The following SUOX variants were observed in gnomAD, a reference collection of about 807,000 sequenced individuals.
SUOX encodes sulfite oxidase.
A neutral mutation model predicts 41.9 loss-of-function variants in SUOX; 39 were observed. That is an observed-to-expected ratio of 0.93 (90% CI 0.72 to 1.21). The LOEUF (loss-of-function observed/expected upper bound fraction) is 1.21, where lower values mean the gene tolerates loss of function less well. Ranked by LOEUF, SUOX falls within the 50% of genes most tolerant of loss-of-function variation. The pLI is 0.00. For missense variants in SUOX, 633 were observed against 689.5 expected (o/e 0.92, Z 0.92); for synonymous variants, 220 against 268.4 (o/e 0.82, Z 1.76).
chr12:56,004,734 G>A lies in SUOX; in HGVS notation c.1345G>A (p.Ala449Thr). 6.2e-7 allele frequency: 1 copy of A among 1,614,180 alleles called. No individual in the cohort carries two copies. The highest frequency in any genetic ancestry group is 1.3e-5 in the African/African-American group (1 of 75,042). ...ESGEVTIKGY[A>T]WSGGGRAVIR... is the part of the protein sequence containing the mutation. Reference sequence around the variant, plus strand: ...AGGGGAGGTGACCATCAAGGGCTATGCATGGAGTGGTGGTGGCAGGGCTGT... The same window carrying A: ...AGGGGAGGTGACCATCAAGGGCTATACATGGAGTGGTGGTGGCAGGGCTGT... Residue 449 changes from alanine to threonine, a missense_variant, in exon 5 of 5, where the codon GCA (alanine) becomes ACA (threonine). Physicochemically the swap from Ala to Thr is moderately conservative, Grantham distance 58. Coordinates refer to ENST00000266971, the MANE Select transcript of SUOX (RefSeq NM_001032386.2). The surrounding 1 kb of genome is among the most constrained non-coding windows in gnomAD (Gnocchi z 4.5).
At chr12:56,002,766 G>A in intron 4 of SUOX, 46 bp downstream of exon 4, 1 of 1,610,550 alleles carries the variant, frequency 6.2e-7, no homozygotes, top group Non-Finnish European at 8.5e-7. Flanking sequence ...TGGGTGCAGT[G>A]GCTCACGCCT....
chr12:55,997,954 C>G (rs544960311), intron 2 of SUOX, among the ~76,000 whole-genome samples: 4 of 152,214 alleles, frequency 2.6e-5, no homozygotes, highest in South Asian at 4.1e-4. Context: ...GGGCAGAGAG[C>G]AGAAAAATTA....
intron 2 of SUOX, among the ~76,000 whole-genome samples, chr12:55,998,283 CT>C (rs763646033): frequency 2.6e-5 from 4 of 151,516 alleles, no homozygotes; most frequent in Admixed American, 2.0e-4. Flanking sequence ...TGGCTCATGC[CT>C]GTAATAATCC....
At chr12:56,003,115 G>A (rs1890594315) in intron 4 of SUOX, 1 of 294,470 alleles carries the variant, frequency 3.4e-6, no homozygotes, top group African/African-American at 2.2e-5. Flanking sequence ...CCATGTTCTT[G>A]TAGTTACCAC....
At chr12:56,003,209 G>A (rs143623632) in intron 4 of SUOX, among the ~76,000 whole-genome samples, 4 of 151,862 alleles carry the variant, frequency 2.6e-5, no homozygotes, top group Non-Finnish European at 5.9e-5. Context: ...GGCCAACACC[G>A]TGGGTTGGGT....
In SUOX at chr12:56,004,966, G is replaced by A; in HGVS notation, c.1577G>A (p.Trp526Ter). Residue 526 changes from tryptophan to a stop codon, truncating the protein, a stop_gained, in exon 5 of 5, where the codon TGG (tryptophan) becomes TAG (stop). Transcript: ENST00000266971. LOFTEE classifies it high-confidence loss of function. The surrounding 1 kb of genome is among the most constrained non-coding windows in gnomAD (Gnocchi z 4.5). ...NVQPDTVAPI[W>*]NLRGVLSNAW... The stretch of plus-strand genomic sequence containing the variant: ...CAGCCAGACACCGTGGCCCCAATCT[G>A]GAACCTGCGAGGTGTTCTCAGCAAT... 1.2e-6 allele frequency: 2 copies of A among 1,614,148 alleles called. No individual in the cohort carries two copies. Among genetic ancestry groups the A allele is most frequent in the East Asian group, 4.5e-5 (2 of 44,886 alleles).
rs1425140545 is a variant in SUOX, at chr12:56,002,584, C to T, written c.92C>T (p.Ser31Phe). 1 of 1,614,056 alleles carries T rather than the reference C, an allele frequency of 6.2e-7. No individual in the cohort carries two copies. The highest frequency in any genetic ancestry group is 8.5e-7 in the Non-Finnish European group (1 of 1,180,044). ...IPSRICIQAC[S>F]TNDSFQPQRP... Reference sequence around the variant, plus strand: ...TCAAGGATCTGCATTCAGGCCTGCTCCACAAATGATTCATTTCAGCCCCAG... The same window carrying T: ...TCAAGGATCTGCATTCAGGCCTGCTTCACAAATGATTCATTTCAGCCCCAG... Residue 31 changes from serine (S) to phenylalanine (F), a missense_variant, in exon 4 of 5, where the codon TCC becomes TTC. Coordinates refer to ENST00000266971, the MANE Select transcript of SUOX (RefSeq NM_001032386.2).
chr12:56,002,345 C>A, intron 3 of SUOX, 74 bp downstream of exon 3: 1 of 1,558,258 alleles, frequency 6.4e-7, no homozygotes, highest in Non-Finnish European at 8.8e-7. Flanking sequence ...AATGTCATAC[C>A]TTGCAAATAA....
chr12:56,000,515 T>TCCCTC (rs1890477467), intron 2 of SUOX, among the ~76,000 whole-genome samples: 1 of 152,124 alleles, frequency 6.6e-6, no homozygotes, highest in South Asian at 2.1e-4. Context: ...CGGTTCCCGC[T>TCCCTC]CGCACCTCTC....
Position 56,003,949 on chromosome 12 carries a change from A to C in SUOX, c.560A>C (p.Lys187Thr), listed in dbSNP as rs571077447. ...ADDPVRHPAL[K>T]VNSQRPFNAE... is the part of the protein sequence containing the mutation. ...GATCCTGTACGTCACCCAGCCCTGA[A>C]GGTCAACAGCCAGCGGCCCTTTAAT... is the stretch of plus-strand genomic sequence containing the variant. The change falls in exon 5 of 5, where the codon AAG becomes ACG. Residue 187 changes from lysine to threonine, a missense_variant. Coordinates refer to ENST00000266971, the MANE Select transcript of SUOX (RefSeq NM_001032386.2). The C allele has an allele frequency of 1.2e-6, 2 of 1,614,146 alleles. No individual in the cohort carries two copies. The highest frequency in any genetic ancestry group is 2.2e-5 in the South Asian group (2 of 91,084).
chr12:56,004,704 G>A lies in SUOX; in HGVS notation c.1315G>A (p.Glu439Lys), dbSNP rs2136513057. ...AGAGCCCCGGGATGGAGAGACTGTA[G>A]AATCAGGGGAGGTGACCATCAAGGG... Reference protein sequence around the residue: ...ITEPRDGETVESGEVTIKGYA... With the variant: ...ITEPRDGETVKSGEVTIKGYA... Residue 439 changes from glutamate to lysine, a missense_variant, in exon 5 of 5, where the codon GAA becomes AAA. Coordinates refer to ENST00000266971, the MANE Select transcript of SUOX (RefSeq NM_001032386.2). The surrounding 1 kb of genome is among the most constrained non-coding windows in gnomAD (Gnocchi z 4.5). The A allele has an allele frequency of 2.5e-6, 4 of 1,614,144 alleles. No individual in the cohort carries two copies. The Middle Eastern group carries it at 4.9e-4, about 200-fold the overall frequency.
chr12:56,002,006 T>A, intron 2 of SUOX: 1 of 1,441,140 alleles, frequency 6.9e-7, no homozygotes, highest in Non-Finnish European at 9.1e-7. Context: ...CCGCATTACC[T>A]GCCATCCTGT....
At chr12:56,000,442 G>T (rs1456106541) in intron 2 of SUOX, among the ~76,000 whole-genome samples, 2 of 152,322 alleles carry the variant, frequency 1.3e-5, no homozygotes, top group African/African-American at 4.8e-5. Context: ...CTCCGTGTGC[G>T]GGGCCTGCCA....
rs767289380 is a variant in SUOX at position 56,003,603 on chromosome 12, C to T, written c.229-15C>T. On this transcript the variant is annotated splice_polypyrimidine_tract_variant and intron_variant, in intron 4 of 4. Transcript: ENST00000266971. Reference sequence around the variant, plus strand: ...TAGTCTCTTCCCTTTTATCTTACTCCTTCCCTGCCAATAGGCTGCTCAGGA... The same window carrying T: ...TAGTCTCTTCCCTTTTATCTTACTCTTTCCCTGCCAATAGGCTGCTCAGGA... 23 of 1,612,606 alleles carry T rather than the reference C, an allele frequency of 1.4e-5. No individual in the cohort carries two copies. The highest frequency in any genetic ancestry group is 5.3e-5 in the African/African-American group (4 of 74,914).
chr12:56,001,115 TCTC>T (rs1404119694), intron 2 of SUOX, among the ~76,000 whole-genome samples: 1 of 113,630 alleles, frequency 8.8e-6, no homozygotes, highest in African/African-American at 3.1e-5. Flanking sequence ...GTTGTTAATC[TCTC>T]TTTTTTTTTT....
Position 56,004,529 on chromosome 12 carries a change from G to T in SUOX, c.1140G>T (p.Trp380Cys). 1 of 1,614,144 alleles carries T rather than the reference G, an allele frequency of 6.2e-7. No homozygotes were observed. The highest frequency in any genetic ancestry group is 8.5e-7 in the Non-Finnish European group (1 of 1,180,042). ...TGGTGGGTGCCCGCCATGTCAAATG[G>T]CTGGGCAGAGTGAGTGTGCAGCCAG... ...PGVVGARHVK[W>C]LGRVSVQPEE... Residue 380 changes from tryptophan to cysteine, a missense_variant, in exon 5 of 5, where the codon TGG becomes TGT. By Grantham distance (215) the Trp-to-Cys change is radical. Transcript: ENST00000266971. This position sits in a 1 kb window ranked among gnomAD's most constrained non-coding sequence, Gnocchi z 4.5.
In SUOX at chr12:56,003,895, C is replaced by T. The variant is rs1592829293; in HGVS notation, c.506C>T (p.Thr169Ile). ...ELNPEDKVAP[T>I]VETSDPYADD... ...AATCCTGAAGACAAGGTAGCCCCCA[C>T]CGTGGAGACCTCTGACCCTTATGCT... The change falls in exon 5 of 5, where the codon ACC becomes ATC. Residue 169 changes from threonine (T) to isoleucine (I), a missense_variant. Physicochemically the swap from Thr to Ile is moderately conservative, Grantham distance 89 (BLOSUM62 -1). Coordinates refer to ENST00000266971, the MANE Select transcript of SUOX (RefSeq NM_001032386.2). The T allele has an allele frequency of 6.2e-7, 1 of 1,614,016 alleles. No homozygotes were observed. The highest frequency in any genetic ancestry group is 1.3e-5 in the African/African-American group (1 of 74,908).
rs2136511536 is a variant in SUOX, at chr12:56,003,885, G to A, written c.496G>A (p.Val166Ile). ...KIGELNPEDK[V>I]APTVETSDPY... The stretch of plus-strand genomic sequence containing the variant: ...TGGGGAGCTGAATCCTGAAGACAAG[G>A]TAGCCCCCACCGTGGAGACCTCTGA... Residue 166 changes from valine (V) to isoleucine (I), a missense_variant, in exon 5 of 5, where the codon GTA becomes ATA. Transcript: ENST00000266971. 6.2e-7 allele frequency: 1 copy of A among 1,614,050 alleles called. No individual in the cohort carries two copies. Among genetic ancestry groups the A allele is most frequent in the Non-Finnish European group, 8.5e-7 (1 of 1,179,998 alleles).
chr12:56,005,070 C>T lies in SUOX; in HGVS notation c.*43C>T. 2 of 1,594,522 alleles carry T rather than the reference C, an allele frequency of 1.3e-6. No individual in the cohort carries two copies. Among genetic ancestry groups the T allele is most frequent in the Middle Eastern group, 2.0e-4 (1 of 4,908 alleles). ...CTCCACCCCTTTCCCCACCCATTAG[C>T]CTCACTGCTTCAGAAAAATCTTTCC... On this transcript the variant is annotated 3_prime_UTR_variant, in exon 5 of 5. Coordinates refer to ENST00000266971, the MANE Select transcript of SUOX (RefSeq NM_001032386.2).
Sources: allele counts gnomAD v4.1 joint callset (sites outside exome capture counted in the v4.1 genomes callset), GRCh38; gene constraint gnomAD v4.1.1; non-coding constraint Gnocchi (gnomAD v3.1); transcripts MANE v1.5; gene names NCBI Gene and HGNC (gene_info 2026-07-23, HGNC 2026-07-21).